The following KREMEN1 variants were observed in gnomAD, a reference collection of about 807,000 sequenced individuals.
The protein encoded by KREMEN1 is kremen protein 1.
Under a neutral mutation model 46.5 loss-of-function variants are expected in KREMEN1, and 30 were observed. The ratio of observed to expected loss-of-function variants is 0.65; its 90% CI spans 0.48 to 0.88. The LOEUF (loss-of-function observed/expected upper bound fraction) is 0.88. KREMEN1 is among the 40% of genes least tolerant of loss of function. The pLI is 0.00. For synonymous variants in KREMEN1, 214 were observed against 230.6 expected (o/e 0.93, Z 0.65); for missense variants, 533 against 596.9 (o/e 0.89, Z 1.11).
intron 9 of KREMEN1, chr22:29,154,200 T>C (rs1018441994): frequency 6.6e-6 from 1 of 152,162 alleles, no homozygotes; most frequent in African/African-American, 2.4e-5. Context: ...ACTCCAAGTT[T>C]ACAATGCACA....
downstream of KREMEN1, among the ~76,000 whole-genome samples, chr22:29,149,903 G>C (rs1196639560): frequency 6.6e-6 from 1 of 152,170 alleles, no homozygotes; most frequent in African/African-American, 2.4e-5. Context: ...GAAGGGGAAC[G>C]GGGCTGGACA....
chr22:29,161,380 G>A lies in KREMEN1; in HGVS notation c.1417-5664G>A, dbSNP rs185388609. ...AAATTAGCCAGGCGTGGTGGCAGGC[G>A]CCTGTAGTCCCAACTACTTGGGAGG... On this transcript the variant is annotated intron_variant, in intron 9 of 9. Transcript: ENST00000327813. Among the ~76,000 whole-genome samples the A allele has an allele frequency of 3.4e-3, 519 of 151,848 alleles. 3 individuals carry two copies. The highest frequency in any genetic ancestry group is 0.011 in the African/African-American group (440 of 41,348).
At chr22:29,092,816 A>G (rs549367423) in intron 1 of KREMEN1, among the ~76,000 whole-genome samples, 2 of 152,236 alleles carry the variant, frequency 1.3e-5, no homozygotes, top group Non-Finnish European at 2.9e-5. Context: ...TATCTACTAA[A>G]AATACAAAAT....
At chr22:29,136,560 CGG>C (rs2038660731) in intron 5 of KREMEN1, among the ~76,000 whole-genome samples, 1 of 145,160 alleles carries the variant, frequency 6.9e-6, no homozygotes, top group Non-Finnish European at 1.5e-5. Flanking sequence ...GGGAGACAGA[CGG>C]AGACTCCTTC....
chr22:29,104,327 T>C (rs2038018467), intron 3 of KREMEN1, among the ~76,000 whole-genome samples: 1 of 152,068 alleles, frequency 6.6e-6, no homozygotes, highest in Non-Finnish European at 1.5e-5. Context: ...TGGATGATTT[T>C]TGTATTTTTT....
intron 3 of KREMEN1, among the ~76,000 whole-genome samples, chr22:29,108,670 C>T (rs1027332519): frequency 6.6e-6 from 1 of 152,232 alleles, no homozygotes; most frequent in African/African-American, 2.4e-5. Context: ...CATTTTATTT[C>T]TGCCCATCTC....
chr22:29,159,576 G>A (rs1197255270), intron 9 of KREMEN1, among the ~76,000 whole-genome samples: 1 of 152,058 alleles, frequency 6.6e-6, no homozygotes, highest in Non-Finnish European at 1.5e-5. Flanking sequence ...CCGAGATCAC[G>A]TCACTGCACT....
intron 5 of KREMEN1, among the ~76,000 whole-genome samples, chr22:29,128,899 A>G (rs1306972204): frequency 6.6e-6 from 1 of 152,252 alleles, no homozygotes; most frequent in African/African-American, 2.4e-5. Flanking sequence ...TAGTAAAAAT[A>G]GATCATAATA....
chr22:29,075,650 C>T (rs778559047), intron 1 of KREMEN1, among the ~76,000 whole-genome samples: 7 of 152,156 alleles, frequency 4.6e-5, no homozygotes, highest in Non-Finnish European at 8.8e-5. Flanking sequence ...TTCACCAACA[C>T]ATCCTGTCTA....
intron 9 of KREMEN1, chr22:29,154,895 T>C (rs549436785): frequency 1.3e-5 from 2 of 152,136 alleles, no homozygotes; most frequent in Admixed American, 6.5e-5. Flanking sequence ...GGTCTCACTC[T>C]CACCAAGCCC....
intron 4 of KREMEN1, among the ~76,000 whole-genome samples, chr22:29,123,875 G>A (rs2038397813): frequency 6.6e-6 from 1 of 152,130 alleles, no homozygotes; most frequent in African/African-American, 2.4e-5. Context: ...ACTAAAATGA[G>A]ATATCACTAC....
chr22:29,124,282 C>T (rs2038404349), intron 4 of KREMEN1, among the ~76,000 whole-genome samples: 1 of 152,136 alleles, frequency 6.6e-6, no homozygotes, highest in Non-Finnish European at 1.5e-5. Context: ...AGACATTATG[C>T]TGACTGAAAG....
At chr22:29,111,378 C>T (rs911449425) in intron 3 of KREMEN1, among the ~76,000 whole-genome samples, 7 of 150,746 alleles carry the variant, frequency 4.6e-5, no homozygotes, top group African/African-American at 1.2e-4. Context: ...TTTGGGAGGC[C>T]GAGGCGGGCG....
rs2038426534 is a variant in KREMEN1, at chr22:29,125,415, T to C, written c.630T>C (p.Asp210=). The change falls in exon 5 of 9, where the codon GAT becomes GAC. Residue 210 remains aspartate, a splice_region_variant and synonymous_variant. Coordinates refer to ENST00000400335, the MANE Select transcript of KREMEN1 (RefSeq NM_001039570.3). Reference sequence around the variant, plus strand: ...GCGATGGCAGGATCATCCTCTTTGATAGTGAGTATGCCCTGTGCCCATCAC... The same window carrying C: ...GCGATGGCAGGATCATCCTCTTTGACAGTGAGTATGCCCTGTGCCCATCAC... ...CGGDGRIILF[D]TLVGACGGNY... is the part of the protein sequence containing the mutation. 2 of 1,614,068 alleles carry C rather than the reference T, an allele frequency of 1.2e-6. No individual in the cohort carries two copies. Among genetic ancestry groups the C allele is most frequent in the Non-Finnish European group, 1.7e-6 (2 of 1,180,012 alleles).
chr22:29,143,069 G>C lies in KREMEN1; in HGVS notation c.*957G>C. ...GAAGGCTGAGACAGAAGAACAGCTT[G>C]AACCCAGGAGGCTGAGATTGCAGTG... On this transcript the variant is annotated 3_prime_UTR_variant, in exon 9 of 9. Transcript: ENST00000400335. 1.8e-6 allele frequency: 1 copy of C among 561,072 alleles called. No individual in the cohort carries two copies. The highest frequency in any genetic ancestry group is 2.3e-6 in the Non-Finnish European group (1 of 442,174). The allele number at this position is 561,072 out of a possible 1,614,324, so 34.8% of individuals were successfully genotyped here.
intron 1 of KREMEN1, among the ~76,000 whole-genome samples, chr22:29,088,748 G>A (rs1407424577): frequency 1.3e-5 from 2 of 152,122 alleles, no homozygotes; most frequent in African/African-American, 2.4e-5. Flanking sequence ...TATGTACCGA[G>A]TACTTTACTT....
At chr22:29,111,184 G>GGTA (rs1456819138) in intron 3 of KREMEN1, among the ~76,000 whole-genome samples, 3 of 151,718 alleles carry the variant, frequency 2.0e-5, no homozygotes, top group Non-Finnish European at 4.4e-5. Context: ...AGTACACACT[G>GGTA]GTAGTCCCAG....
chr22:29,106,192 AC>A (rs370869905), intron 3 of KREMEN1, among the ~76,000 whole-genome samples: 16 of 151,516 alleles, frequency 1.1e-4, no homozygotes, highest in African/African-American at 3.9e-4. Flanking sequence ...CCTACTATGT[AC>A]AAAAAGCACT....
intron 3 of KREMEN1, among the ~76,000 whole-genome samples, chr22:29,107,837 T>C (rs558463424): frequency 1.3e-5 from 2 of 152,202 alleles, no homozygotes; most frequent in Admixed American, 6.5e-5. Flanking sequence ...ACCCTTGTTT[T>C]ACTTGATTGT....
Sources: allele counts gnomAD v4.1 joint callset (sites outside exome capture counted in the v4.1 genomes callset), GRCh38; gene constraint gnomAD v4.1.1; transcripts MANE v1.5; gene names NCBI Gene and HGNC (gene_info 2026-07-23, HGNC 2026-07-21).